RALYL: variants seen among roughly 807,000 people sequenced by gnomAD.
The protein encoded by RALYL is RALY RNA binding protein like, also known as RNA-binding Raly-like protein.
RALYL carries 29 observed loss-of-function variants against 35.1 expected under a neutral mutation model. The observed-to-expected ratio is 0.83, with a 90% CI of 0.61 to 1.13. RALYL has a LOEUF of 1.13. Among genes scored for constraint, RALYL ranks in the 50% most tolerant of loss-of-function variants. RALYL has a pLI of 0.00. For missense variants in RALYL, 359 were observed against 360.4 expected (o/e 1.00, Z 0.03); for synonymous variants, 120 against 127.6 (o/e 0.94, Z 0.40).
intron 1 of RALYL, among the ~76,000 whole-genome samples, chr8:84,467,474 G>C (rs1207070775): frequency 6.6e-6 from 1 of 151,872 alleles, no homozygotes; most frequent in Non-Finnish European, 1.5e-5. Context: ...TCTTAATCCT[G>C]AGTTCTAGTT....
At chr8:84,207,759 G>A (rs538462273) in intron 1 of RALYL, among the ~76,000 whole-genome samples, 1 of 151,774 alleles carries the variant, frequency 6.6e-6, no homozygotes, top group East Asian at 1.9e-4. Context: ...GTGAGGTAAT[G>A]GGTATTTTAA....
intron 1 of RALYL, among the ~76,000 whole-genome samples, chr8:84,289,926 A>C (rs1346563393): frequency 6.6e-6 from 1 of 152,120 alleles, no homozygotes; most frequent in Non-Finnish European, 1.5e-5. Context: ...TTTTGTTTCC[A>C]CTAGATTCCT....
Position 84,353,602 on chromosome 8 carries a change from T to C in RALYL, c.-24+169178T>C, listed in dbSNP as rs556725081. Reference sequence around the variant, plus strand: ...TGCAAATTTACGATTAATCAATGAGTCACTGAGAAAGTATGAATCATTTTT... The same window carrying C: ...TGCAAATTTACGATTAATCAATGAGCCACTGAGAAAGTATGAATCATTTTT... On this transcript the variant is annotated intron_variant, in intron 1 of 8. Transcript: ENST00000521268. Among the ~76,000 whole-genome samples the C allele has an allele frequency of 3.7e-4, 56 of 150,382 alleles. 2 individuals carry two copies. Among genetic ancestry groups the C allele is most frequent in the Admixed American group, 1.5e-3 (22 of 15,158 alleles).
At chr8:84,200,773 AC>A (rs1369931086) in intron 1 of RALYL, among the ~76,000 whole-genome samples, 1 of 152,136 alleles carries the variant, frequency 6.6e-6, no homozygotes, top group Non-Finnish European at 1.5e-5. Flanking sequence ...ATGCATTCCT[AC>A]TTTTAATGGG....
At chr8:84,549,067 C>A (rs1323968736) in intron 2 of RALYL, among the ~76,000 whole-genome samples, 6 of 152,140 alleles carry the variant, frequency 3.9e-5, no homozygotes, top group Admixed American at 3.9e-4. Context: ...TTTGAACTGT[C>A]CTGTTCTCAG....
chr8:84,679,903 A>T, intron 2 of RALYL: 1 of 340,344 alleles, frequency 2.9e-6, no homozygotes, highest in Non-Finnish European at 5.7e-6. Flanking sequence ...CACAACGTGC[A>T]GGTTTGTTAC....
At chr8:84,677,050 TG>T (rs1382217386) in intron 2 of RALYL, among the ~76,000 whole-genome samples, 1 of 152,140 alleles carries the variant, frequency 6.6e-6, no homozygotes, top group African/African-American at 2.4e-5. Flanking sequence ...TCCACTCTCT[TG>T]GGCCTCCCAA....
chr8:84,689,376 A>G (rs904029250), intron 2 of RALYL, among the ~76,000 whole-genome samples: 12 of 151,986 alleles, frequency 7.9e-5, no homozygotes, highest in East Asian at 1.9e-4. Flanking sequence ...ATGATTTCCA[A>G]TTTCATCCAT....
chr8:84,474,283 A>G (rs1405978900), intron 1 of RALYL, among the ~76,000 whole-genome samples: 2 of 152,136 alleles, frequency 1.3e-5, no homozygotes, highest in Non-Finnish European at 2.9e-5. Context: ...TTTCCACTTG[A>G]TTAGTTTCAT....
intron 1 of RALYL, among the ~76,000 whole-genome samples, chr8:84,310,601 G>A (rs1399952040): frequency 6.6e-6 from 1 of 152,044 alleles, no homozygotes; most frequent in Non-Finnish European, 1.5e-5. Flanking sequence ...TATAAACAAG[G>A]ATGAAAATGG....
Position 84,572,344 on chromosome 8 carries a change from G to C in RALYL, c.256+42767G>C, listed in dbSNP as rs181106219. On this transcript the variant is annotated intron_variant, in intron 2 of 8. Coordinates refer to ENST00000521268, the MANE Select transcript of RALYL (RefSeq NM_173848.7). ...AATTTTTCCTGTCATAGTGTTGTTA[G>C]CTAGTTGCCTTGAAGTTTCATTTGT... Among the ~76,000 whole-genome samples, 43 of 151,732 alleles carry C rather than the reference G, an allele frequency of 2.8e-4. 1 individual carries two copies. Among genetic ancestry groups the C allele is most frequent in the Non-Finnish European group, 7.4e-5 (5 of 67,732 alleles).
chr8:84,302,052 G>A (rs925095633), intron 1 of RALYL, among the ~76,000 whole-genome samples: 38 of 152,172 alleles, frequency 2.5e-4, no homozygotes, highest in African/African-American at 8.7e-4. Flanking sequence ...TAGCCTTTTG[G>A]AGTATTAACC....
At chr8:84,240,619 G>A (rs1168729940) in intron 1 of RALYL, among the ~76,000 whole-genome samples, 1 of 152,122 alleles carries the variant, frequency 6.6e-6, no homozygotes. Flanking sequence ...GAAGGAGAGG[G>A]GTCTTTATAC....
chr8:84,919,004 G>GT (rs1344639290), intron 8 of RALYL, among the ~76,000 whole-genome samples: 1 of 151,886 alleles, frequency 6.6e-6, no homozygotes, highest in Non-Finnish European at 1.5e-5. Context: ...TCTACAGGTT[G>GT]TTTTTTTCAT....
At chr8:84,410,248 G>A (rs1436517791) in intron 1 of RALYL, among the ~76,000 whole-genome samples, 1 of 151,868 alleles carries the variant, frequency 6.6e-6, no homozygotes. Context: ...CTAGGAATCT[G>A]TACTCTAGAA....
At chr8:84,386,271 T>G (rs992877990) in intron 1 of RALYL, among the ~76,000 whole-genome samples, 1 of 151,880 alleles carries the variant, frequency 6.6e-6, no homozygotes, top group Non-Finnish European at 1.5e-5. Context: ...ATTTTGCTAC[T>G]TTCTCCTTTG....
chr8:84,447,552 GAAC>G (rs2048983793), intron 1 of RALYL, among the ~76,000 whole-genome samples: 1 of 152,026 alleles, frequency 6.6e-6, no homozygotes, highest in Admixed American at 6.6e-5. Context: ...GGCTAGGAAT[GAAC>G]AACAGCAATG....
chr8:84,857,917 T>TA (rs1052602263), intron 5 of RALYL, among the ~76,000 whole-genome samples: 1 of 152,250 alleles, frequency 6.6e-6, no homozygotes, highest in South Asian at 2.1e-4. Context: ...AGTTCTTTTT[T>TA]AAAAAAGACA....
Position 84,743,730 on chromosome 8 carries a change from AG to A in RALYL, c.257-30847del, listed in dbSNP as rs1457931239. On this transcript the variant is annotated intron_variant, in intron 2 of 8. Coordinates refer to ENST00000521268, the MANE Select transcript of RALYL (RefSeq NM_173848.7). Reference sequence around the variant, plus strand: ...TATGTACTTTTTAGTCAACATTAAAAGGAAATTAGAGAAATATTATGCAGCC... The same window carrying A: ...TATGTACTTTTTAGTCAACATTAAAAGAAATTAGAGAAATATTATGCAGCC... 5.3e-5 allele frequency among the ~76,000 whole-genome samples: 8 copies of A among 152,112 alleles called. 1 individual carries two copies. Among genetic ancestry groups the A allele is most frequent in the Non-Finnish European group, 1.2e-4 (8 of 67,996 alleles).
Sources: gnomAD v4.1 joint callset for allele counts (sites outside exome capture counted in the v4.1 genomes callset) on GRCh38, gnomAD v4.1.1 for gene constraint, MANE v1.5 for transcripts, NCBI Gene and HGNC (gene_info 2026-07-23, HGNC 2026-07-21) for gene names.